ELL: variants seen among roughly 807,000 people sequenced by gnomAD.
ELL encodes elongation factor for RNA polymerase II, also known as RNA polymerase II elongation factor ELL.
In ELL, 18 loss-of-function variants were observed where a neutral mutation model predicts 64.0. The ratio of observed to expected loss-of-function variants is 0.28; its 90% CI spans 0.19 to 0.42. The LOEUF is 0.42. Among genes scored for constraint, ELL ranks in the 10% least tolerant of loss-of-function variants. The pLI is 1.00. For missense variants in ELL, 797 were observed against 870.4 expected, an observed-to-expected ratio of 0.92 and a Z score of 1.06; for synonymous variants, 399 against 376.2, an observed-to-expected ratio of 1.06 and a Z score of -0.70.
intron 1 of ELL, among the ~76,000 whole-genome samples, chr19:18,498,410 T>A (rs549960629): frequency 7.2e-5 from 11 of 151,956 alleles, no homozygotes; most frequent in African/African-American, 2.7e-4. Context: ...AACCAGGAGG[T>A]CTATTCAGTT....
Position 18,482,336 on chromosome 19 carries a change from T to TTC in ELL, c.136-9455_136-9454insGA, listed in dbSNP as rs781472836. 1.2e-4 allele frequency among the ~76,000 whole-genome samples: 16 copies of TTC among 128,008 alleles called. 1 individual carries two copies. Among genetic ancestry groups the TTC allele is most frequent in the Non-Finnish European group, 1.9e-4 (11 of 59,206 alleles). 84.0% of individuals were successfully genotyped at this position (128,008 alleles called of 152,430 possible). A position where few individuals can be genotyped will look rare whatever the true frequency, so the allele number is the denominator to read the frequency against. Reference sequence around the variant, plus strand: ...TTTTTTTTTTTTTTTTTTTTTTTTTTAAACAGGGTCTCGCCCTGTCACCTA... The same window carrying TTC: ...TTTTTTTTTTTTTTTTTTTTTTTTTTTCAAACAGGGTCTCGCCCTGTCACCTA... On this transcript the variant is annotated intron_variant, in intron 1 of 11. Coordinates refer to ENST00000262809, the MANE Select transcript of ELL (RefSeq NM_006532.4).
chr19:18,463,487 A>AT (rs1486254173), intron 4 of ELL, among the ~76,000 whole-genome samples: 1 of 151,692 alleles, frequency 6.6e-6, no homozygotes, highest in Non-Finnish European at 1.5e-5. Context: ...GGCGCACGCC[A>AT]CCACAACTGG....
chr19:18,477,868 C>G (rs1189761468), intron 1 of ELL, among the ~76,000 whole-genome samples: 1 of 152,082 alleles, frequency 6.6e-6, no homozygotes, highest in Non-Finnish European at 1.5e-5. Flanking sequence ...TATGATGTTT[C>G]TGCAAAAGAT....
chr19:18,455,499 A>G (rs1276668955), intron 6 of ELL, among the ~76,000 whole-genome samples: 3 of 151,766 alleles, frequency 2.0e-5, no homozygotes, highest in Non-Finnish European at 4.4e-5. Context: ...CAGGAAAAAA[A>G]AAAAAAAAAG....
intron 1 of ELL, among the ~76,000 whole-genome samples, chr19:18,502,650 C>G (rs1426207849): frequency 5.9e-5 from 9 of 152,170 alleles, no homozygotes. Context: ...GAGGAAGAGA[C>G]GGTGTTTAAA....
At chr19:18,459,504 C>T (rs1005333729) in intron 5 of ELL, among the ~76,000 whole-genome samples, 1 of 151,660 alleles carries the variant, frequency 6.6e-6, no homozygotes, top group Non-Finnish European at 1.5e-5. Flanking sequence ...TGCGTCACAG[C>T]GTATCCCATG....
intron 1 of ELL, among the ~76,000 whole-genome samples, chr19:18,514,235 G>A (rs538119549): frequency 2.6e-5 from 4 of 151,960 alleles, no homozygotes; most frequent in South Asian, 2.1e-4. Context: ...AGTGACAGCC[G>A]GGCACGGTGG....
intron 1 of ELL, among the ~76,000 whole-genome samples, chr19:18,504,368 C>T (rs1331290504): frequency 6.6e-6 from 1 of 152,198 alleles, no homozygotes; most frequent in East Asian, 1.9e-4. Context: ...GATTGAAATC[C>T]ATGACGCGTG....
At chr19:18,492,947 CTCA>C (rs1178772453) in intron 1 of ELL, among the ~76,000 whole-genome samples, 1 of 152,086 alleles carries the variant, frequency 6.6e-6, no homozygotes, top group Admixed American at 6.5e-5. Flanking sequence ...CCCCACTCCT[CTCA>C]TGATTCCTCC....
intron 1 of ELL, among the ~76,000 whole-genome samples, chr19:18,479,739 G>C (rs1309577056): frequency 5.4e-5 from 8 of 148,590 alleles, no homozygotes. Flanking sequence ...ATCTAGGATT[G>C]TTTTAAAAAC....
intron 1 of ELL, among the ~76,000 whole-genome samples, chr19:18,520,255 A>T (rs533189765): frequency 6.6e-6 from 1 of 152,016 alleles, no homozygotes; most frequent in Admixed American, 6.6e-5. Context: ...TAGTTATATG[A>T]CTCACGAGCT....
At chr19:18,476,853 G>A (rs1353268701) in intron 1 of ELL, among the ~76,000 whole-genome samples, 1 of 152,186 alleles carries the variant, frequency 6.6e-6, no homozygotes, top group Admixed American at 6.5e-5. Context: ...GACAGACACA[G>A]GACGCACCCA....
intron 1 of ELL, among the ~76,000 whole-genome samples, chr19:18,512,998 C>A (rs1976058676): frequency 6.6e-6 from 1 of 152,198 alleles, no homozygotes; most frequent in Admixed American, 6.5e-5. Context: ...CCCGATGGGC[C>A]TGGGGGAAGG....
At chr19:18,446,249 C>T (rs1363206030) in intron 10 of ELL, 60 bp downstream of exon 10, 2 of 1,472,994 alleles carry the variant, frequency 1.4e-6, no homozygotes, top group Non-Finnish European at 1.8e-6. Context: ...ATGGTGCGCG[C>T]CCAAGTGGGC....
At chr19:18,509,230 C>T (rs1420925793) in intron 1 of ELL, among the ~76,000 whole-genome samples, 1 of 152,092 alleles carries the variant, frequency 6.6e-6, no homozygotes, top group African/African-American at 2.4e-5. Flanking sequence ...AGCAGGCATC[C>T]TTATCACAGT....
chr19:18,491,506 G>C (rs918339617), intron 1 of ELL, among the ~76,000 whole-genome samples: 2 of 152,058 alleles, frequency 1.3e-5, no homozygotes, highest in Non-Finnish European at 1.5e-5. Flanking sequence ...TCTGGCAGAA[G>C]GACTCTAGGC....
chr19:18,461,774 T>C lies in ELL; in HGVS notation c.548A>G (p.Asn183Ser), dbSNP rs753577696. Reference sequence around the variant, plus strand: ...ACTCTTCCTGATGGCACTCGCCAAGTTGATGGGGGTTGCCCGCTTCCGGGA... The same window carrying C: ...ACTCTTCCTGATGGCACTCGCCAAGCTGATGGGGGTTGCCCGCTTCCGGGA... The part of the protein sequence containing the change: ...VPSRKRATPI[N>S]LASAIRKSGA... Residue 183 changes from asparagine to serine, a missense_variant, in exon 5 of 12, where the codon AAC (asparagine) becomes AGC (serine). Physicochemically the swap from Asn to Ser is conservative, Grantham distance 46. Transcript: ENST00000262809. The C allele has an allele frequency of 4.3e-6, 7 of 1,613,996 alleles. No homozygotes were observed. The African/African-American group carries it at 8.0e-5, about 18-fold the overall frequency.
intron 1 of ELL, among the ~76,000 whole-genome samples, chr19:18,511,455 C>G (rs1440119408): frequency 2.0e-5 from 3 of 152,146 alleles, no homozygotes; most frequent in Non-Finnish European, 4.4e-5. Flanking sequence ...GAACTGAAAG[C>G]AGGGGTTTGA....
chr19:18,446,773 T>C lies in ELL; in HGVS notation c.1507A>G (p.Thr503Ala). Reference protein sequence around the residue: ...TCSVSSVPTSTSETPDYLLKY... With the variant: ...TCSVSSVPTSASETPDYLLKY... ...AGCAAGTAGTCAGGCGTCTCCGACG[T>C]GGACGTGGGAACACTGGAAACGCTG... The change falls in exon 9 of 12, where the codon ACG (threonine) becomes GCG (alanine). Residue 503 changes from threonine to alanine, a missense_variant. Coordinates refer to ENST00000262809, the MANE Select transcript of ELL (RefSeq NM_006532.4). 6 of 1,614,032 alleles carry C rather than the reference T, an allele frequency of 3.7e-6. No homozygotes were observed. The highest frequency in any genetic ancestry group is 5.1e-6 in the Non-Finnish European group (6 of 1,180,014).
Sources: allele counts gnomAD v4.1 joint callset (sites outside exome capture counted in the v4.1 genomes callset), GRCh38; gene constraint gnomAD v4.1.1; transcripts MANE v1.5; gene names NCBI Gene and HGNC (gene_info 2026-07-23, HGNC 2026-07-21).